Variants in SH3BP5 observed in about 807,000 individuals in gnomAD.
SH3BP5 encodes SH3 domain-binding protein 5.
In SH3BP5, 22 loss-of-function variants were observed where a neutral mutation model predicts 43.3. The observed-to-expected ratio is 0.51, with a 90% confidence interval of 0.36 to 0.73. The LOEUF is 0.73. Ranked by LOEUF, SH3BP5 falls within the 30% of genes least tolerant of loss-of-function variation. The pLI, the probability that SH3BP5 is intolerant of heterozygous loss-of-function variation, is 0.00. For synonymous variants in SH3BP5, 255 were observed against 225.8 expected, an observed-to-expected ratio of 1.13 and a Z score of -1.16; for missense variants, 529 against 586.9, an observed-to-expected ratio of 0.90 and a Z score of 1.02.
chr3:15,299,014 G>A (rs1697655714), intron 3 of SH3BP5, among the ~76,000 whole-genome samples: 1 of 152,166 alleles, frequency 6.6e-6, no homozygotes, highest in Non-Finnish European at 1.5e-5. Context: ...TGTGTTGTAT[G>A]TACCTTACCA....
At chr3:15,330,424 C>A (rs1303937090) in intron 2 of SH3BP5, 80 bp downstream of exon 2, 4 of 1,185,376 alleles carry the variant, frequency 3.4e-6, no homozygotes, top group Non-Finnish European at 5.0e-6. Context: ...AACACTCCAG[C>A]TATGAAGACA....
At chr3:15,285,155 A>C (rs2125086088) in intron 3 of SH3BP5, among the ~76,000 whole-genome samples, 1 of 152,328 alleles carries the variant, frequency 6.6e-6, no homozygotes, top group African/African-American at 2.4e-5. Context: ...TAATTAAGGT[A>C]CCTAGCTATG....
At chr3:15,330,763 T>G (rs1698590442) in intron 1 of SH3BP5, 197 bp from the exon 2 acceptor site, 1 of 985,126 alleles carries the variant, frequency 1.0e-6, no homozygotes, top group Admixed American at 6.1e-5. Flanking sequence ...ACCATTTTCT[T>G]GAGGGTGTCC....
At chr3:15,330,378 C>A (rs1361961599) in intron 2 of SH3BP5, 126 bp downstream of exon 2, 5 of 756,766 alleles carry the variant, frequency 6.6e-6, no homozygotes, top group Non-Finnish European at 9.4e-6. Flanking sequence ...TGTCAGGGAG[C>A]TGTTGCTCAA....
chr3:15,305,066 G>A (rs374162954), intron 2 of SH3BP5, among the ~76,000 whole-genome samples: 83 of 140,878 alleles, frequency 5.9e-4, no homozygotes, highest in African/African-American at 1.6e-3. Flanking sequence ...GCAGTGAGCC[G>A]AGATCGTGCC....
intron 3 of SH3BP5, among the ~76,000 whole-genome samples, chr3:15,273,920 A>G (rs1005925559): frequency 6.6e-6 from 1 of 152,204 alleles, no homozygotes; most frequent in African/African-American, 2.4e-5. Context: ...TTTGGGAGCC[A>G]TATTAGTCCA....
chr3:15,296,395 T>C (rs1294556477), intron 3 of SH3BP5, among the ~76,000 whole-genome samples: 13 of 151,404 alleles, frequency 8.6e-5, no homozygotes, highest in Non-Finnish European at 1.5e-4. Context: ...TAACAAAGAT[T>C]CTACTTTTGC....
chr3:15,332,904 A>G (rs867192837), upstream of SH3BP5, among the ~76,000 whole-genome samples: 2 of 152,160 alleles, frequency 1.3e-5, no homozygotes, highest in Middle Eastern at 3.2e-3. Flanking sequence ...TCGCCTTCTG[A>G]AGCCTACGCT....
rs910738794 is a variant in SH3BP5, at chr3:15,254,782, T to C, written c.*1304A>G. The C allele has an allele frequency of 2.0e-5, 3 of 152,192 alleles. No homozygotes were observed. The highest frequency in any genetic ancestry group is 2.0e-4 in the Admixed American group (3 of 15,282). The allele number at this position is 152,192 out of a possible 1,614,324, so 9.4% of individuals were successfully genotyped here. On this transcript the variant is annotated 3_prime_UTR_variant, in exon 9 of 9. Transcript: ENST00000383791. Reference sequence around the variant, plus strand: ...CCACAGCACTCCATGCTCTTCCTTATGGAAAAAGGGTTGCCTAGAAGATTT... The same window carrying C: ...CCACAGCACTCCATGCTCTTCCTTACGGAAAAAGGGTTGCCTAGAAGATTT...
intron 8 of SH3BP5, chr3:15,256,621 T>C (rs1280765794): frequency 6.6e-6 from 4 of 604,692 alleles, no homozygotes; most frequent in Non-Finnish European, 1.2e-5. Context: ...GAGACTGTTC[T>C]GATGTGAGAC....
intron 2 of SH3BP5, among the ~76,000 whole-genome samples, chr3:15,322,934 G>C (rs1698368775): frequency 1.3e-5 from 2 of 151,910 alleles, no homozygotes; most frequent in Non-Finnish European, 1.5e-5. Context: ...TTGAGGTCAG[G>C]AGTTGACCAG....
In SH3BP5 at chr3:15,254,994, A is replaced by G. The variant is rs914030706; in HGVS notation, c.*1092T>C. 9 of 152,472 alleles carry G rather than the reference A, an allele frequency of 5.9e-5. No homozygotes were observed. Among genetic ancestry groups the G allele is most frequent in the Non-Finnish European group, 8.8e-5 (6 of 68,050 alleles). The allele number at this position is 152,472 out of a possible 1,614,324, so 9.4% of individuals were successfully genotyped here. ...ATGACTAAAATATACAGGCTGTGAC[A>G]GAATTAACAGTTTGAAAGAGGGTTG... On this transcript the variant is annotated 3_prime_UTR_variant, in exon 9 of 9. Transcript: ENST00000383791.
At chr3:15,335,260 C>T (rs953651796), upstream of SH3BP5, among the ~76,000 whole-genome samples, 1 of 152,028 alleles carries the variant, frequency 6.6e-6, no homozygotes, top group African/African-American at 2.4e-5. Flanking sequence ...TGCCTGTAAT[C>T]CCAGCTACTC....
intron 2 of SH3BP5, among the ~76,000 whole-genome samples, chr3:15,307,456 C>T (rs1014841372): frequency 6.6e-6 from 1 of 152,198 alleles, no homozygotes; most frequent in Admixed American, 6.5e-5. Context: ...TTCTGCAAGG[C>T]CCTAATCAGG....
intron 4 of SH3BP5, among the ~76,000 whole-genome samples, chr3:15,264,113 A>T (rs913628654): frequency 4.6e-5 from 7 of 152,202 alleles, no homozygotes; most frequent in African/African-American, 1.7e-4. Flanking sequence ...ATTACTTACG[A>T]TAAGGATTTT....
At chr3:15,296,694 CTTTTTTTT>C (rs370273754) in intron 3 of SH3BP5, among the ~76,000 whole-genome samples, 1 of 124,968 alleles carries the variant, frequency 8.0e-6, no homozygotes, top group Non-Finnish European at 1.6e-5. Flanking sequence ...AGTGTTTTTC[CTTTTTTTT>C]TTTTTTTTTG....
At position 15,301,402 on chromosome 3, in the gene SH3BP5, C is replaced by G. The variant is rs77326830; in HGVS notation, c.330+2701G>C. 5.2e-3 allele frequency among the ~76,000 whole-genome samples: 790 copies of G among 152,286 alleles called. 16 individuals carry two copies. The East Asian group carries it at 0.067, about 13-fold the overall frequency. On this transcript the variant is annotated intron_variant, in intron 3 of 8. Coordinates refer to ENST00000383791, the MANE Select transcript of SH3BP5 (RefSeq NM_004844.5). ...TATTGATTTATACAATATTTGAGCA[C>G]CTTCTGTATGCTGGCATTGCAGATC...
intron 2 of SH3BP5, among the ~76,000 whole-genome samples, chr3:15,308,467 T>G (rs1299209287): frequency 6.6e-6 from 1 of 152,104 alleles, no homozygotes; most frequent in Non-Finnish European, 1.5e-5. Context: ...TAAGACTACT[T>G]ACACACGTTG....
chr3:15,299,483 ATTTTTTTTTTTTTT>A (rs60281447), intron 3 of SH3BP5, among the ~76,000 whole-genome samples: 1 of 92,254 alleles, frequency 1.1e-5, no homozygotes, highest in Non-Finnish European at 2.1e-5. Flanking sequence ...CAACAATTAG[ATTTTTTTTTTTTTT>A]TTTTTTTTTT....
Sources: allele counts gnomAD v4.1 joint callset (sites outside exome capture counted in the v4.1 genomes callset), GRCh38; gene constraint gnomAD v4.1.1; transcripts MANE v1.5; gene names NCBI Gene and HGNC (gene_info 2026-07-23, HGNC 2026-07-21).